TBCD: variants seen among roughly 807,000 people sequenced by gnomAD.
TBCD encodes tubulin-specific chaperone D.
TBCD carries 105 observed loss-of-function variants against 169.3 expected under a neutral mutation model. That is an observed-to-expected ratio of 0.62 (90% CI 0.53 to 0.73). The LOEUF is 0.73. Ranked by LOEUF, TBCD falls within the 30% of genes least tolerant of loss-of-function variation. TBCD has a pLI of 0.00. For synonymous variants in TBCD, 700 were observed against 643.9 expected, an observed-to-expected ratio of 1.09 and a Z score of -1.32; for missense variants, 1,444 against 1,600.1, an observed-to-expected ratio of 0.90 and a Z score of 1.66.
At chr17:82,766,079 C>T (rs991901111) in intron 3 of TBCD, among the ~76,000 whole-genome samples, 188 bp from the exon 4 acceptor site, 3 of 152,180 alleles carry the variant, frequency 2.0e-5, no homozygotes, top group Non-Finnish European at 4.4e-5. Flanking sequence ...TGTGAGCCAT[C>T]GCTCTTGGCC....
Position 82,928,453 on chromosome 17 carries a change from C to T in TBCD, c.2693+465C>T, listed in dbSNP as rs188442751. ...TGTCGGGGGCACGGGGTTGTGGGTACCCCCAGGCCCTGCCCTTTCTGTCGG... is the reference window on the plus strand; with the variant it reads ...TGTCGGGGGCACGGGGTTGTGGGTATCCCCAGGCCCTGCCCTTTCTGTCGG... On this transcript the variant is annotated intron_variant, in intron 30 of 38. Transcript: ENST00000355528. 2.3e-3 allele frequency among the ~76,000 whole-genome samples: 343 copies of T among 151,746 alleles called. 1 individual carries two copies. The highest frequency in any genetic ancestry group is 3.8e-3 in the Non-Finnish European group (261 of 67,840).
chr17:82,922,690 G>A lies in TBCD; in HGVS notation c.2179-962G>A, dbSNP rs564079081. ...CACTTTGCCCCTGGGATTGGCACAG[G>A]TGGTGACTCGTGGAATGCAGCACCC... On this transcript the variant is annotated intron_variant, in intron 25 of 38. Transcript: ENST00000355528. The surrounding 1 kb of genome is among the most constrained non-coding windows in gnomAD (Gnocchi z 4.1). Among the ~76,000 whole-genome samples, 1 of 152,308 alleles carries A rather than the reference G, an allele frequency of 6.6e-6. No homozygotes were observed. The highest frequency in any genetic ancestry group is 2.1e-4 in the South Asian group (1 of 4,828).
In TBCD at chr17:82,920,494, C is replaced by T. The variant is rs376085677; in HGVS notation, c.2039-62C>T. The T allele has an allele frequency of 2.5e-4, 350 of 1,425,744 alleles. 1 individual carries two copies. Among genetic ancestry groups the T allele is most frequent in the African/African-American group, 2.4e-3 (169 of 69,014 alleles). 88.3% of individuals were successfully genotyped at this position (1,425,744 alleles called of 1,614,324 possible). ...AACTCAGAATGTGGCAAAGGCAAGC[C>T]GCTGTGGCAGGCGCTTTTAGAAAAG... On this transcript the variant is annotated intron_variant, in intron 23 of 38. Transcript: ENST00000355528. The surrounding 1 kb of genome is among the most constrained non-coding windows in gnomAD (Gnocchi z 4.1).
chr17:82,940,204 T>C (rs1442754576), intron 37 of TBCD, among the ~76,000 whole-genome samples: 37 of 89,794 alleles, frequency 4.1e-4, no homozygotes, highest in Non-Finnish European at 4.0e-4. Context: ...CTCACACACA[T>C]GCTCACTTGC....
intron 23 of TBCD, chr17:82,913,251 T>A (rs1004209726): frequency 6.6e-6 from 1 of 152,246 alleles, no homozygotes; most frequent in African/African-American, 2.4e-5. Flanking sequence ...ACGACACGGG[T>A]CGTGCCCTGG....
chr17:82,916,414 T>G (rs12949628), intron 23 of TBCD, among the ~76,000 whole-genome samples: 18,805 of 152,078 alleles, frequency 0.12, 1,465 homozygotes, highest in Admixed American at 0.19. Flanking sequence ...CAGGCTAATT[T>G]TTGTATTTTT....
At chr17:82,911,822 C>G in intron 23 of TBCD, 33 bp downstream of exon 23, 2 of 1,612,620 alleles carry the variant, frequency 1.2e-6, no homozygotes, top group Non-Finnish European at 1.7e-6. Context: ...CCCTCTGCAG[C>G]CCTTTGCCGC....
At chr17:82,844,028 A>G (rs11655723) in intron 13 of TBCD, among the ~76,000 whole-genome samples, 81,508 of 151,982 alleles carry the variant, frequency 0.54, 22,014 homozygotes, top group South Asian at 0.65. Flanking sequence ...TTTATATTTC[A>G]ACACTTCTGT....
chr17:82,933,174 A>C (rs1037614002), intron 34 of TBCD, among the ~76,000 whole-genome samples: 1 of 150,612 alleles, frequency 6.6e-6, no homozygotes, highest in African/African-American at 2.4e-5. Flanking sequence ...CGCCACGCGG[A>C]TGCCCCAGGC....
intron 17 of TBCD, among the ~76,000 whole-genome samples, chr17:82,898,027 G>A (rs909080147): frequency 6.6e-6 from 1 of 151,006 alleles, no homozygotes; most frequent in Non-Finnish European, 1.5e-5. Context: ...GGGTTTTGGT[G>A]TGAGCACACG....
intron 13 of TBCD, among the ~76,000 whole-genome samples, chr17:82,860,033 G>A (rs944858610): frequency 1.3e-5 from 2 of 152,254 alleles, no homozygotes; most frequent in African/African-American, 4.8e-5. Context: ...TGCTTCTGAA[G>A]TGCCTGTGCC....
chr17:82,923,520 G>A lies in TBCD; in HGVS notation c.2179-132G>A. 1 of 732,726 alleles carries A rather than the reference G, an allele frequency of 1.4e-6. No homozygotes were observed. Among genetic ancestry groups the A allele is most frequent in the East Asian group, 2.8e-5 (1 of 36,340 alleles). The allele number at this position is 732,726 out of a possible 1,614,324, so 45.4% of individuals were successfully genotyped here. A position where few individuals can be genotyped will look rare whatever the true frequency, so the allele number is the denominator to read the frequency against. ...CTGGGTCCCTGGTCAGGCAGGGGCT[G>A]CTCTGACCTCAGGGTGACCACGGTG... On this transcript the variant is annotated intron_variant, in intron 25 of 38. Transcript: ENST00000355528. This position sits in a 1 kb window ranked among gnomAD's most constrained non-coding sequence, Gnocchi z 4.6.
intron 14 of TBCD, among the ~76,000 whole-genome samples, chr17:82,872,929 G>A (rs920287275): frequency 3.5e-5 from 5 of 143,684 alleles, no homozygotes; most frequent in Non-Finnish European, 6.1e-5. Context: ...CGTGGCCGAC[G>A]GCTTCTGAGC....
At chr17:82,879,685 A>G (rs1031989318) in intron 14 of TBCD, among the ~76,000 whole-genome samples, 2 of 151,692 alleles carry the variant, frequency 1.3e-5, no homozygotes, top group African/African-American at 2.4e-5. Flanking sequence ...GTGTTCTACA[A>G]CTCAAGCACC....
At chr17:82,758,725 T>A (rs1661528258) in intron 2 of TBCD, among the ~76,000 whole-genome samples, 1 of 141,504 alleles carries the variant, frequency 7.1e-6, no homozygotes, top group Non-Finnish European at 1.5e-5. Context: ...AGTGGCCCAA[T>A]CTTGGCTCAC....
At chr17:82,893,495 G>A in intron 16 of TBCD, 52 bp from the exon 17 acceptor site, 2 of 1,378,976 alleles carry the variant, frequency 1.5e-6, no homozygotes, top group South Asian at 1.3e-5. Flanking sequence ...TTGGTGAAAT[G>A]CCTTTGTTCA....
Position 82,835,984 on chromosome 17 carries a change from C to T in TBCD, c.1318+21050C>T, listed in dbSNP as rs1204546225. Among the ~76,000 whole-genome samples, 6 of 152,166 alleles carry T rather than the reference C, an allele frequency of 3.9e-5. No individual in the cohort carries two copies. The highest frequency in any genetic ancestry group is 7.3e-5 in the Non-Finnish European group (5 of 68,032). ...ACACCCTGGGCTCAGACCCCGCGCTCAGCACCCGTCTCCCACCGTGGGCTG... is the reference window on the plus strand; with the variant it reads ...ACACCCTGGGCTCAGACCCCGCGCTTAGCACCCGTCTCCCACCGTGGGCTG... On this transcript the variant is annotated intron_variant, in intron 13 of 38. Coordinates refer to ENST00000355528, the MANE Select transcript of TBCD (RefSeq NM_005993.5). The surrounding 1 kb of genome is among the most constrained non-coding windows in gnomAD (Gnocchi z 4.5).
intron 14 of TBCD, among the ~76,000 whole-genome samples, chr17:82,877,714 A>G (rs960428913): frequency 6.6e-6 from 1 of 152,252 alleles, no homozygotes; most frequent in Non-Finnish European, 1.5e-5. Flanking sequence ...CTAAGATATC[A>G]TTAACAAAAG....
rs112656629 is a variant in TBCD, at chr17:82,812,982, C to T, written c.1224-1858C>T. On this transcript the variant is annotated intron_variant, in intron 12 of 38. Coordinates refer to ENST00000355528, the MANE Select transcript of TBCD (RefSeq NM_005993.5). ...TATAGGTGTGCAGCACCACACCTGG[C>T]TAATTATTTTATTTCATTTTTGTAG... Among the ~76,000 whole-genome samples, 102 of 152,220 alleles carry T rather than the reference C, an allele frequency of 6.7e-4. 1 individual carries two copies. The Middle Eastern group carries it at 0.01, about 15-fold the overall frequency.
Sources: allele counts gnomAD v4.1 joint callset (sites outside exome capture counted in the v4.1 genomes callset), GRCh38; gene constraint gnomAD v4.1.1; non-coding constraint Gnocchi (gnomAD v3.1); transcripts MANE v1.5; gene names NCBI Gene and HGNC (gene_info 2026-07-23, HGNC 2026-07-21).